Variants in KLC3 observed in about 807,000 individuals in gnomAD.
The protein encoded by KLC3 is kinesin light chain 2.
KLC3 carries 72 observed loss-of-function variants against 62.9 expected under a neutral mutation model. The observed-to-expected ratio is 1.15, with a 90% CI of 0.95 to 1.39. The LOEUF (loss-of-function observed/expected upper bound fraction) is 1.39, where lower values mean the gene tolerates loss of function less well. Ranked by LOEUF, KLC3 falls within the 40% of genes most tolerant of loss-of-function variation. KLC3 has a pLI of 0.00. For missense variants in KLC3, 848 were observed against 691.6 expected (o/e 1.23, Z -2.54); for synonymous variants, 377 against 300.5 (o/e 1.25, Z -2.63).
intron 4 of KLC3, 34 bp downstream of exon 4, chr19:45,347,550 C>T: frequency 1.3e-6 from 2 of 1,572,410 alleles, no homozygotes; most frequent in Non-Finnish European, 1.7e-6. Flanking sequence ...CAGAGGATGG[C>T]AGGCCAGGGT....
chr19:45,349,327 T>C, intron 7 of KLC3, 102 bp from the exon 8 acceptor site: 1 of 1,232,574 alleles, frequency 8.1e-7, no homozygotes, highest in African/African-American at 1.5e-5. Flanking sequence ...CACTCTCTGC[T>C]TTGACCCTGT....
intron 8 of KLC3, 26 bp downstream of exon 8, chr19:45,349,628 G>A: frequency 6.3e-7 from 1 of 1,590,344 alleles, no homozygotes; most frequent in Non-Finnish European, 8.6e-7. Flanking sequence ...CTCAGAGTGG[G>A]CCAAGAGTGG....
At chr19:45,351,074 G>GAGGCAA in intron 12 of KLC3, 57 bp downstream of exon 12, 1 of 1,613,678 alleles carries the variant, frequency 6.2e-7, no homozygotes, top group Non-Finnish European at 8.5e-7. Context: ...GTGCAGAGAT[G>GAGGCAA]AGGCAAAGGC....
chr19:45,347,876 C>G (rs1361147713), intron 4 of KLC3, 65 bp from the exon 5 acceptor site: 3 of 1,339,598 alleles, frequency 2.2e-6, no homozygotes, highest in African/African-American at 2.9e-5. Flanking sequence ...GGCACGTGTC[C>G]CCTCATGCGA....
chr19:45,345,641 C>A lies in KLC3; in HGVS notation c.100C>A (p.Leu34Met). ...GCAGACGCGGCAAGTGGTCCAGGGG[C>A]TGGAGGCGCTGCGGGCAGAGCACCA... ...VRQTRQVVQG[L>M]EALRAEHHGL... Residue 34 changes from leucine (L) to methionine (M), a missense_variant, in exon 2 of 13, where the codon CTG becomes ATG. Coordinates refer to ENST00000391946, the MANE Select transcript of KLC3 (RefSeq NM_177417.3). 1.9e-6 allele frequency: 3 copies of A among 1,584,450 alleles called. No individual in the cohort carries two copies. The highest frequency in any genetic ancestry group is 2.6e-6 in the Non-Finnish European group (3 of 1,166,856).
intron 12 of KLC3, 124 bp downstream of exon 12, chr19:45,351,141 C>G: frequency 1.3e-6 from 2 of 1,598,262 alleles, no homozygotes; most frequent in South Asian, 2.2e-5. Context: ...CAGAAGAGAC[C>G]CAGGACAGGA....
chr19:45,345,461 T>G (rs1294519060), intron 1 of KLC3, 73 bp from the exon 2 acceptor site: 3 of 1,544,916 alleles, frequency 1.9e-6, no homozygotes, highest in African/African-American at 1.4e-5. Context: ...ATGGCCATTA[T>G]GGGAATAGAG....
In KLC3 at chr19:45,348,974, C is replaced by T. The variant is rs1471494841; in HGVS notation, c.969+53C>T. ...GAACCCCTTGTCCCATGTAGCCCTCCCCAGGGATGCTGAGCACGTACATCG... is the reference window on the plus strand; with the variant it reads ...GAACCCCTTGTCCCATGTAGCCCTCTCCAGGGATGCTGAGCACGTACATCG... On this transcript the variant is annotated intron_variant, in intron 7 of 12. Coordinates refer to ENST00000391946, the MANE Select transcript of KLC3 (RefSeq NM_177417.3). 3 of 1,456,132 alleles carry T rather than the reference C, an allele frequency of 2.1e-6. No individual in the cohort carries two copies. The East Asian group carries it at 7.4e-5, about 36-fold the overall frequency. 90.2% of individuals were successfully genotyped at this position (1,456,132 alleles called of 1,614,324 possible). A position where few individuals can be genotyped will look rare whatever the true frequency, so the allele number is the denominator to read the frequency against.
chr19:45,346,706 G>T lies in KLC3; in HGVS notation c.421G>T (p.Glu141Ter). ...CAGCGAGGAGTCCGTGGCCCAGCTG[G>T]AGGAGGAGAAGCGCCACCTGGAGTT... is the stretch of plus-strand genomic sequence containing the variant. ...RASEESVAQL[E>*]EEKRHLEFLG... Residue 141 changes from glutamate (E) to a stop codon, truncating the protein, a stop_gained, in exon 3 of 13, where the codon GAG becomes TAG. Coordinates refer to ENST00000391946, the MANE Select transcript of KLC3 (RefSeq NM_177417.3). LOFTEE classifies it high-confidence loss of function. The T allele has an allele frequency of 6.3e-7, 1 of 1,577,984 alleles. No individual in the cohort carries two copies.
chr19:45,350,771 A>AG (rs771277800), intron 11 of KLC3, 24 bp downstream of exon 11: 2 of 1,592,176 alleles, frequency 1.3e-6, no homozygotes, highest in Non-Finnish European at 8.6e-7. Flanking sequence ...AGGTCGGCAA[A>AG]GAGCCCTGAC....
Position 45,350,407 on chromosome 19 carries a change from AAGG to A in KLC3, c.1215_1217del (p.Glu405del), listed in dbSNP as rs1381787579. 7.4e-6 allele frequency: 12 copies of A among 1,613,260 alleles called. 1 individual carries two copies. In the African/African-American group the frequency reaches 1.5e-4, roughly 20 times the overall value. ...AGAGCTGTACAAAGAAATCCTCCAC[AAGG>A]AGGACCTACCCGCCCCTCTCGGTGA... On this transcript the variant is annotated inframe_deletion, in exon 9 of 13. Transcript: ENST00000391946.
intron 1 of KLC3, among the ~76,000 whole-genome samples, chr19:45,341,580 C>CGCGCGT (rs1568519350): frequency 1.4e-4 from 11 of 77,836 alleles, no homozygotes; most frequent in African/African-American, 3.8e-4. Context: ...TGTGTGTGTG[C>CGCGCGT]GCGCGCGCGT....
intron 5 of KLC3, 151 bp downstream of exon 5, chr19:45,348,311 C>G: frequency 2.6e-6 from 2 of 770,554 alleles, no homozygotes; most frequent in South Asian, 3.6e-5. Flanking sequence ...AGGGAAGGCT[C>G]CTGCTGTGAG....
At chr19:45,348,558 T>A in intron 5 of KLC3, 88 bp from the exon 6 acceptor site, 1 of 1,313,644 alleles carries the variant, frequency 7.6e-7, no homozygotes, top group Non-Finnish European at 1.1e-6. Flanking sequence ...CCAGGTTCCC[T>A]GGGCCTGTCA....
Position 45,350,496 on chromosome 19 carries a change from C to T in KLC3, c.1235-18C>T, listed in dbSNP as rs1235571236. 2.5e-6 allele frequency: 4 copies of T among 1,613,690 alleles called. No individual in the cohort carries two copies. The highest frequency in any genetic ancestry group is 3.4e-6 in the Non-Finnish European group (4 of 1,179,852). On this transcript the variant is annotated intron_variant, in intron 9 of 12. Transcript: ENST00000391946. ...TTCTCTATGTCCCCATCTCAGTGTC[C>T]CCCATCTTTCCCCCTAGGTGCCCCC...
Position 45,349,937 on chromosome 19 carries a change from G to C in KLC3, c.1143+335G>C, listed in dbSNP as rs138261371. On this transcript the variant is annotated intron_variant, in intron 8 of 12. Coordinates refer to ENST00000391946, the MANE Select transcript of KLC3 (RefSeq NM_177417.3). ...ATAGCGTCCCTATGAGGTGGGAGCT[G>C]TCGCTCCACTTTGCGTGTGGGAAGA... 2.2e-3 allele frequency: 911 copies of C among 416,956 alleles called. 3 individuals carry two copies. Among genetic ancestry groups the C allele is most frequent in the African/African-American group, 0.015 (739 of 49,982 alleles). 25.8% of individuals were successfully genotyped at this position (416,956 alleles called of 1,614,324 possible). A position where few individuals can be genotyped will look rare whatever the true frequency, so the allele number is the denominator to read the frequency against.
chr19:45,340,934 G>C (rs1351318176), intron 1 of KLC3, 88 bp downstream of exon 1: 1 of 152,260 alleles, frequency 6.6e-6, no homozygotes. Flanking sequence ...CCCTGAGACG[G>C]GGAAGGGCCT....
Position 45,348,923 on chromosome 19 carries a change from T to A in KLC3, c.969+2T>A. On this transcript the variant is annotated splice_donor_variant, in intron 7 of 12. Transcript: ENST00000391946. LOFTEE classifies it high-confidence loss of function. ...CGCGCTTTGGAGATCCGAGAGAAGG[T>A]CCCATCCCCCTCACCCCACCCCGAG... 6.4e-7 allele frequency: 1 copy of A among 1,573,308 alleles called. No homozygotes were observed. The highest frequency in any genetic ancestry group is 8.6e-7 in the Non-Finnish European group (1 of 1,159,078).
At position 45,348,035 on chromosome 19, in the gene KLC3, G is replaced by C; in HGVS notation, c.654G>C (p.Ala218=). Residue 218 remains alanine, a synonymous_variant, in exon 5 of 13, where the codon GCG becomes GCC. Coordinates refer to ENST00000391946, the MANE Select transcript of KLC3 (RefSeq NM_177417.3). ...RTLHNLVIQY[A]GQGRYEVAVP... ...TGCATAACCTCGTGATCCAGTACGC[G>C]GGGCAGGGCCGCTATGAGGTGGCGG... is the stretch of plus-strand genomic sequence containing the variant. The C allele has an allele frequency of 6.2e-7, 1 of 1,606,364 alleles. No individual in the cohort carries two copies. Among genetic ancestry groups the C allele is most frequent in the Non-Finnish European group, 8.5e-7 (1 of 1,176,682 alleles).
Sources: gnomAD v4.1 joint callset for allele counts (sites outside exome capture counted in the v4.1 genomes callset) on GRCh38, gnomAD v4.1.1 for gene constraint, MANE v1.5 for transcripts, NCBI Gene and HGNC (gene_info 2026-07-23, HGNC 2026-07-21) for gene names.